Variants in SORCS1 observed in about 807,000 individuals in gnomAD.
SORCS1 encodes VPS10 domain-containing receptor SorCS1.
Under a neutral mutation model 146.1 loss-of-function variants are expected in SORCS1, and 60 were observed. The ratio of observed to expected loss-of-function variants is 0.41; its 90% confidence interval spans 0.33 to 0.51. The LOEUF is 0.51. SORCS1 is among the 20% of genes least tolerant of loss of function. SORCS1 has a pLI of 0.21. For synonymous variants in SORCS1, 637 were observed against 584.0 expected, an observed-to-expected ratio of 1.09 and a Z score of -1.31; for missense variants, 1,352 against 1,487.6, an observed-to-expected ratio of 0.91 and a Z score of 1.50.
chr10:106,995,367 G>A (rs1289063005), intron 1 of SORCS1, among the ~76,000 whole-genome samples: 2 of 151,576 alleles, frequency 1.3e-5, no homozygotes, highest in Non-Finnish European at 2.9e-5. Context: ...AACAGCCTTA[G>A]AAATGAGTTT....
At chr10:106,742,289 A>G (rs1215597990) in intron 5 of SORCS1, among the ~76,000 whole-genome samples, 1 of 152,234 alleles carries the variant, frequency 6.6e-6, no homozygotes, top group Non-Finnish European at 1.5e-5. Context: ...CTACATATAC[A>G]TACTGAGATA....
At chr10:106,603,166 A>G (rs539757073) in intron 23 of SORCS1, among the ~76,000 whole-genome samples, 29 of 152,216 alleles carry the variant, frequency 1.9e-4, no homozygotes, top group East Asian at 1.5e-3. Context: ...TCCTCCCTAC[A>G]GGAGAGACAG....
chr10:106,607,998 A>T (rs758453191), intron 22 of SORCS1, among the ~76,000 whole-genome samples: 2 of 152,162 alleles, frequency 1.3e-5, no homozygotes, highest in African/African-American at 4.8e-5. Context: ...TCACTCAAGG[A>T]CTTCTTGTTT....
At chr10:106,873,921 C>A (rs902198790) in intron 2 of SORCS1, among the ~76,000 whole-genome samples, 1 of 152,202 alleles carries the variant, frequency 6.6e-6, no homozygotes. Flanking sequence ...GTCGCCAATG[C>A]AGGTTTTGCC....
intron 1 of SORCS1, among the ~76,000 whole-genome samples, chr10:107,161,523 T>C (rs1320093758): frequency 2.0e-5 from 3 of 152,186 alleles, no homozygotes; most frequent in Non-Finnish European, 4.4e-5. Context: ...TGCCCTCTTA[T>C]GTATAGCCTG....
At chr10:106,787,401 C>A (rs1162285096) in intron 3 of SORCS1, among the ~76,000 whole-genome samples, 1 of 152,106 alleles carries the variant, frequency 6.6e-6, no homozygotes, top group Non-Finnish European at 1.5e-5. Context: ...ATTCTAGAAA[C>A]ATAAAGAAAG....
chr10:107,099,289 G>A (rs1417151098), intron 1 of SORCS1, among the ~76,000 whole-genome samples: 1 of 152,064 alleles, frequency 6.6e-6, no homozygotes, highest in African/African-American at 2.4e-5. Context: ...TTAATTCTCA[G>A]GGACTCTTGA....
upstream of SORCS1, among the ~76,000 whole-genome samples, chr10:107,168,476 C>A (rs1165216748): frequency 2.0e-5 from 3 of 152,178 alleles, no homozygotes; most frequent in Non-Finnish European, 4.4e-5. Context: ...TTATTTTCAA[C>A]ATTAACCTCA....
intron 2 of SORCS1, among the ~76,000 whole-genome samples, chr10:106,837,542 C>G (rs1328316451): frequency 1.3e-5 from 2 of 150,716 alleles, no homozygotes; most frequent in Non-Finnish European, 2.9e-5. Flanking sequence ...CAACACCAAA[C>G]AGGAAAAAGC....
At chr10:106,600,631 T>G in intron 23 of SORCS1, 1 of 985,426 alleles carries the variant, frequency 1.0e-6, no homozygotes, top group Non-Finnish European at 1.2e-6. Context: ...GTGAACACTA[T>G]TTTGGTAAAG....
upstream of SORCS1, among the ~76,000 whole-genome samples, chr10:107,164,873 G>C (rs1379483731): frequency 1.4e-5 from 2 of 145,758 alleles, no homozygotes; most frequent in African/African-American, 5.0e-5. This position sits in a 1 kb window ranked among gnomAD's most constrained non-coding sequence, Gnocchi z 6.8. Flanking sequence ...CTGCGCACCG[G>C]GTCTCCGGGC....
intron 2 of SORCS1, among the ~76,000 whole-genome samples, chr10:106,905,991 C>T (rs1287151604): frequency 6.6e-6 from 1 of 152,112 alleles, no homozygotes; most frequent in Admixed American, 6.5e-5. Context: ...TCAATCTCAT[C>T]TACCTCACAT....
intron 23 of SORCS1, among the ~76,000 whole-genome samples, chr10:106,605,933 T>C (rs1846543561): frequency 6.6e-6 from 1 of 152,192 alleles, no homozygotes. Context: ...CAAGTCATCC[T>C]GGAAGACTAA....
At chr10:107,153,325 T>C (rs942805297) in intron 1 of SORCS1, among the ~76,000 whole-genome samples, 1 of 152,200 alleles carries the variant, frequency 6.6e-6, no homozygotes, top group African/African-American at 2.4e-5. Flanking sequence ...TATGTTGCTG[T>C]GAATGTATAC....
chr10:106,743,639 G>A lies in SORCS1; in HGVS notation c.960-13525C>T, dbSNP rs1381864954. Among the ~76,000 whole-genome samples, 3 of 152,026 alleles carry A rather than the reference G, an allele frequency of 2.0e-5. 1 individual carries two copies. The highest frequency in any genetic ancestry group is 3.9e-4 in the East Asian group (2 of 5,166). On this transcript the variant is annotated intron_variant, in intron 5 of 25. Transcript: ENST00000263054. Reference sequence around the variant, plus strand: ...GGGGTTTCACCATGTTGGTCAGGCTGGTCTCTAACTCCTGACCTCAAGTGA... The same window carrying A: ...GGGGTTTCACCATGTTGGTCAGGCTAGTCTCTAACTCCTGACCTCAAGTGA...
At chr10:107,019,838 G>A (rs1393184291) in intron 1 of SORCS1, among the ~76,000 whole-genome samples, 1 of 152,180 alleles carries the variant, frequency 6.6e-6, no homozygotes, top group Admixed American at 6.5e-5. Flanking sequence ...ATCTACTTAG[G>A]GAGGCAGCTA....
intron 1 of SORCS1, among the ~76,000 whole-genome samples, chr10:106,982,288 ATG>A (rs1244940471): frequency 1.2e-4 from 18 of 152,296 alleles, no homozygotes; most frequent in African/African-American, 4.1e-4. Context: ...ATTAATTTGT[ATG>A]TGTGTGTATA....
At chr10:106,769,484 CAAAAA>C (rs61628916) in intron 4 of SORCS1, among the ~76,000 whole-genome samples, 1 of 84,362 alleles carries the variant, frequency 1.2e-5, no homozygotes. Context: ...GACTCCGTCT[CAAAAA>C]AAAAAAAAAA....
intron 18 of SORCS1, among the ~76,000 whole-genome samples, chr10:106,631,242 A>G (rs932671141): frequency 2.0e-5 from 3 of 152,222 alleles, no homozygotes; most frequent in African/African-American, 7.2e-5. Context: ...ATAGGCACAA[A>G]TTCTCCCCTA....
Sources: gnomAD v4.1 joint callset for allele counts (sites outside exome capture counted in the v4.1 genomes callset) on GRCh38, gnomAD v4.1.1 for gene constraint, Gnocchi (gnomAD v3.1) non-coding constraint, MANE v1.5 for transcripts, NCBI Gene and HGNC (gene_info 2026-07-23, HGNC 2026-07-21) for gene names.